Variants in TFEC observed in about 807,000 individuals in gnomAD.
The protein encoded by TFEC is transcription factor EC, also known as class E basic helix-loop-helix protein 34.
Under a neutral mutation model 41.6 loss-of-function variants are expected in TFEC, and 31 were observed. The observed-to-expected ratio is 0.74, with a 90% CI of 0.56 to 1.01. The LOEUF (loss-of-function observed/expected upper bound fraction) is 1.01, where lower values mean the gene tolerates loss of function less well. Ranked by LOEUF, TFEC falls within the 50% of genes least tolerant of loss-of-function variation. The probability of loss-of-function intolerance (pLI) is 0.00; values close to 1 mark genes in which losing one functional copy is unlikely to be tolerated. For synonymous variants in TFEC, 143 were observed against 140.6 expected (o/e 1.02, Z -0.12); for missense variants, 402 against 404.1 (o/e 0.99, Z 0.04).
chr7:116,059,350 A>C (rs1032539326), intron 3 of TFEC, among the ~76,000 whole-genome samples: 1 of 151,948 alleles, frequency 6.6e-6, no homozygotes, highest in African/African-American at 2.4e-5. Context: ...ATAGAATATG[A>C]AGTTTAAAAG....
intron 1 of TFEC, among the ~76,000 whole-genome samples, chr7:116,123,630 T>C (rs1365688630): frequency 6.6e-6 from 1 of 152,102 alleles, no homozygotes; most frequent in Non-Finnish European, 1.5e-5. Context: ...GACTGCCCAC[T>C]GGGTACTTTT....
At chr7:116,082,351 T>C (rs1051939806) in intron 3 of TFEC, among the ~76,000 whole-genome samples, 4 of 151,982 alleles carry the variant, frequency 2.6e-5, no homozygotes, top group Non-Finnish European at 5.9e-5. Context: ...TTTCCTAGAT[T>C]AACTTGATAA....
rs1051147247 is a variant in TFEC at position 116,051,585 on chromosome 7, T to C, written c.198+59123A>G. 2.0e-5 allele frequency among the ~76,000 whole-genome samples: 3 copies of C among 152,332 alleles called. No homozygotes were observed. The South Asian group carries it at 6.2e-4, about 32-fold the overall frequency. On this transcript the variant is annotated intron_variant, in intron 3 of 8. Coordinates refer to the TFEC transcript ENST00000484212. Reference sequence around the variant, plus strand: ...AATGGTATATCATATTTTGTGTCAATATATATCTGATGGGATTTAAACATT... The same window carrying C: ...AATGGTATATCATATTTTGTGTCAACATATATCTGATGGGATTTAAACATT...
rs1311919285 is a variant in TFEC, at chr7:116,039,204, AG to A, written c.199-54692del. ...TTCCCAGGAAATCACTGTTAATAAA[AG>A]TTAGTTTTTCTATAATGTCATATAA... On this transcript the variant is annotated intron_variant, in intron 3 of 8. Transcript: ENST00000484212. 2.6e-5 allele frequency among the ~76,000 whole-genome samples: 4 copies of A among 152,212 alleles called. No homozygotes were observed. In the East Asian group the frequency reaches 5.8e-4, roughly 22 times the overall value.
chr7:116,065,739 T>C (rs1366355049), intron 3 of TFEC, among the ~76,000 whole-genome samples: 1 of 152,096 alleles, frequency 6.6e-6, no homozygotes, highest in Non-Finnish European at 1.5e-5. Flanking sequence ...TTGATCAAAA[T>C]GGGAACGAAA....
chr7:115,944,187 C>A (rs1459284565), intron 6 of TFEC, among the ~76,000 whole-genome samples: 1 of 150,450 alleles, frequency 6.6e-6, no homozygotes, highest in East Asian at 2.0e-4. Flanking sequence ...ATTTAGAAAA[C>A]TTTTTACAGT....
intron 3 of TFEC, among the ~76,000 whole-genome samples, chr7:116,086,862 T>C (rs1797215052): frequency 1.3e-5 from 2 of 151,948 alleles, no homozygotes; most frequent in African/African-American, 2.4e-5. Context: ...CCCACATATG[T>C]TTTTACATTT....
chr7:115,951,682 T>C (rs1351259513), intron 5 of TFEC, among the ~76,000 whole-genome samples: 2 of 152,060 alleles, frequency 1.3e-5, no homozygotes, highest in Non-Finnish European at 2.9e-5. Context: ...AGAATTTCCA[T>C]TTCTAACAAG....
At chr7:116,009,460 C>T (rs546956956) in intron 1 of TFEC, among the ~76,000 whole-genome samples, 2 of 152,220 alleles carry the variant, frequency 1.3e-5, no homozygotes, top group South Asian at 4.1e-4. Flanking sequence ...TTAATTGAAT[C>T]TGCAAATATT....
chr7:116,001,863 G>A (rs1794610606), intron 1 of TFEC, among the ~76,000 whole-genome samples: 1 of 151,998 alleles, frequency 6.6e-6, no homozygotes, highest in Admixed American at 6.5e-5. Context: ...CTCAAAAGAA[G>A]ACAAACAGGT....
intron 3 of TFEC, among the ~76,000 whole-genome samples, chr7:115,973,583 T>C (rs1196136910): frequency 2.6e-5 from 4 of 151,892 alleles, no homozygotes; most frequent in Non-Finnish European, 5.9e-5. Flanking sequence ...AGCAAGCAAA[T>C]AGGAGATAAT....
At position 116,101,195 on chromosome 7, in the gene TFEC, C is replaced by T. The variant is rs1008237869; in HGVS notation, c.198+9513G>A. On this transcript the variant is annotated intron_variant, in intron 3 of 8. Coordinates refer to the TFEC transcript ENST00000484212. ...AATGTCCCCCACTTTCATGCCCCCC[C>T]CCAAAAAAAAGAAAAAGGAAAAAAC... Among the ~76,000 whole-genome samples, 5 of 141,532 alleles carry T rather than the reference C, an allele frequency of 3.5e-5. No individual in the cohort carries two copies. In the East Asian group the frequency reaches 1.1e-3, roughly 31 times the overall value. 92.9% of individuals were successfully genotyped at this position (141,532 alleles called of 152,430 possible).
intron 3 of TFEC, among the ~76,000 whole-genome samples, chr7:116,076,922 G>T (rs1562961171): frequency 6.6e-6 from 1 of 151,968 alleles, no homozygotes; most frequent in Admixed American, 6.6e-5. Context: ...AGAAGCTCAA[G>T]GAACATCTGG....
chr7:116,042,726 G>A (rs1796069337), intron 3 of TFEC, among the ~76,000 whole-genome samples: 1 of 152,078 alleles, frequency 6.6e-6, no homozygotes, highest in Non-Finnish European at 1.5e-5. Flanking sequence ...GGGATGATCG[G>A]GAAAATGAAT....
chr7:116,071,112 G>T (rs111404080), intron 3 of TFEC, among the ~76,000 whole-genome samples: 4 of 151,102 alleles, frequency 2.6e-5, no homozygotes, highest in Non-Finnish European at 5.9e-5. Flanking sequence ...ATAAGAAAAC[G>T]ATTTTTAAAA....
At chr7:115,962,738 C>A (rs1352855767) in intron 3 of TFEC, among the ~76,000 whole-genome samples, 1 of 151,662 alleles carries the variant, frequency 6.6e-6, no homozygotes, top group Non-Finnish European at 1.5e-5. Flanking sequence ...ATAAAACAAC[C>A]CTCACAGGGG....
chr7:116,134,685 T>A (rs1798401662), intron 1 of TFEC, among the ~76,000 whole-genome samples: 1 of 152,202 alleles, frequency 6.6e-6, no homozygotes, highest in Non-Finnish European at 1.5e-5. Flanking sequence ...CCTTTTTTGA[T>A]AACTGCATTA....
chr7:115,947,636 A>G (rs1374619539), intron 6 of TFEC, among the ~76,000 whole-genome samples: 1 of 151,146 alleles, frequency 6.6e-6, no homozygotes, highest in African/African-American at 2.4e-5. Context: ...ATGGTATCTC[A>G]TTGTGGTTTT....
upstream of TFEC, among the ~76,000 whole-genome samples, chr7:116,032,893 T>C (rs911436097): frequency 3.0e-4 from 46 of 152,254 alleles, no homozygotes; most frequent in African/African-American, 1.1e-3. Context: ...TAGTTTTCAT[T>C]TCAAAAATAG....
Sources: gnomAD v4.1 joint callset for allele counts (sites outside exome capture counted in the v4.1 genomes callset) on GRCh38, gnomAD v4.1.1 for gene constraint, MANE v1.5 for transcripts, NCBI Gene and HGNC (gene_info 2026-07-23, HGNC 2026-07-21) for gene names.